Variants in ATP10B observed in about 807,000 individuals in gnomAD.
ATP10B encodes phospholipid-transporting ATPase VB.
A neutral mutation model predicts 141.2 loss-of-function variants in ATP10B; 122 were observed. That is an observed-to-expected ratio of 0.86 (90% confidence interval 0.75 to 1.00). The LOEUF is 1.00. ATP10B is among the 50% of genes least tolerant of loss of function. ATP10B has a pLI of 0.00. For synonymous variants in ATP10B, 685 were observed against 692.0 expected, an observed-to-expected ratio of 0.99 and a Z score of 0.16; for missense variants, 1,876 against 1,825.3, an observed-to-expected ratio of 1.03 and a Z score of -0.51.
chr5:160,681,100 G>A (rs955167817), intron 6 of ATP10B, among the ~76,000 whole-genome samples: 23 of 152,264 alleles, frequency 1.5e-4, no homozygotes, highest in Middle Eastern at 3.4e-3. Flanking sequence ...CACTTGTAAT[G>A]ACTTAAGCCA....
intron 1 of ATP10B, among the ~76,000 whole-genome samples, chr5:160,845,580 CAA>C (rs1216862466): frequency 6.6e-6 from 1 of 151,974 alleles, no homozygotes; most frequent in Admixed American, 6.6e-5. Flanking sequence ...CATAAATGAA[CAA>C]AAAGTTTTTT....
intron 3 of ATP10B, among the ~76,000 whole-genome samples, chr5:160,705,145 C>T (rs1561773074): frequency 6.6e-6 from 1 of 151,870 alleles, no homozygotes; most frequent in Non-Finnish European, 1.5e-5. Context: ...GTCTCGATCT[C>T]CTGACCTCGT....
At chr5:160,776,893 T>G (rs1770371549) in intron 2 of ATP10B, among the ~76,000 whole-genome samples, 1 of 152,162 alleles carries the variant, frequency 6.6e-6, no homozygotes, top group Non-Finnish European at 1.5e-5. Context: ...CAGAATGATT[T>G]TAGTCGGACA....
the ATP10B span, among the ~76,000 whole-genome samples, chr5:160,880,492 A>G: frequency 6.6e-6 from 1 of 152,110 alleles, no homozygotes; most frequent in East Asian, 1.9e-4. Context: ...CAGAATATGG[A>G]AGAACAAGGT....
chr5:160,728,097 TTAC>T (rs1268897347), intron 2 of ATP10B, among the ~76,000 whole-genome samples: 4 of 37,208 alleles, frequency 1.1e-4, no homozygotes, highest in Admixed American at 1.7e-4. Context: ...GATTCTTCCT[TTAC>T]TTTTTTTTTC....
intron 3 of ATP10B, among the ~76,000 whole-genome samples, chr5:160,704,693 G>A (rs1764873169): frequency 6.6e-6 from 1 of 151,008 alleles, no homozygotes; most frequent in Admixed American, 6.6e-5. Flanking sequence ...TCCAATATAA[G>A]GTTGTTTGTC....
intron 7 of ATP10B, among the ~76,000 whole-genome samples, chr5:160,661,461 A>T (rs1392791408): frequency 6.6e-6 from 1 of 152,230 alleles, no homozygotes; most frequent in Non-Finnish European, 1.5e-5. Flanking sequence ...ATATTTTAAA[A>T]ATCCTATCCT....
intron 2 of ATP10B, among the ~76,000 whole-genome samples, chr5:160,770,018 C>G (rs184828176): frequency 6.6e-6 from 1 of 152,296 alleles, no homozygotes; most frequent in East Asian, 1.9e-4. Context: ...AGGTAACTGT[C>G]TTTTAAAGCC....
chr5:160,874,196 G>A, the ATP10B span, among the ~76,000 whole-genome samples: 1 of 152,138 alleles, frequency 6.6e-6, no homozygotes, highest in Non-Finnish European at 1.5e-5. Context: ...CTGAGAACGG[G>A]CAGACTGCCT....
chr5:160,639,418 G>A (rs1034307337), intron 10 of ATP10B, among the ~76,000 whole-genome samples: 1 of 152,288 alleles, frequency 6.6e-6, no homozygotes, highest in Middle Eastern at 3.4e-3. Flanking sequence ...CGATTATGAA[G>A]GTGGGCCCAA....
At chr5:160,861,516 C>T in the ATP10B span, among the ~76,000 whole-genome samples, 1 of 151,736 alleles carries the variant, frequency 6.6e-6, no homozygotes, top group Non-Finnish European at 1.5e-5. Context: ...AAGGGGGTCA[C>T]AAAATAAGCT....
At chr5:160,820,868 G>A (rs886600390) in intron 1 of ATP10B, among the ~76,000 whole-genome samples, 1 of 151,938 alleles carries the variant, frequency 6.6e-6, no homozygotes, top group Non-Finnish European at 1.5e-5. Context: ...CCCTAAGAAA[G>A]CTGGGTATAG....
chr5:160,693,563 G>A (rs1764202808), intron 3 of ATP10B, among the ~76,000 whole-genome samples: 1 of 152,068 alleles, frequency 6.6e-6, no homozygotes, highest in Non-Finnish European at 1.5e-5. Context: ...AGTGCTCCAG[G>A]TAGAAGAACG....
rs185000861 is a variant in ATP10B at position 160,692,806 on chromosome 5, C to T, written c.-204-3863G>A. The T allele has an allele frequency of 1.6e-3, 249 of 152,276 alleles. 2 individuals are homozygous for T. Among genetic ancestry groups the T allele is most frequent in the African/African-American group, 5.6e-3 (232 of 41,548 alleles). The allele number at this position is 152,276 out of a possible 1,614,324, so 9.4% of individuals were successfully genotyped here. ...TTCTAAAACTCTTATAAACTTTAGC[C>T]CCAAACTCCTCACGGAGGTGGATTT... On this transcript the variant is annotated intron_variant, in intron 3 of 25. Transcript: ENST00000327245.
At chr5:160,777,127 C>T (rs1286136353) in intron 2 of ATP10B, among the ~76,000 whole-genome samples, 1 of 152,264 alleles carries the variant, frequency 6.6e-6, no homozygotes, top group East Asian at 1.9e-4. Context: ...GGAAAGACGA[C>T]CAGAGTAACA....
In ATP10B at chr5:160,774,204, A is replaced by G. The variant is rs371385077; in HGVS notation, c.-331+11355T>C. ...TGACATTGGTCTTCAGTTCTGCCCC[A>G]TAGGAAGAGCAACTGGAGGTCCCGG... On this transcript the variant is annotated intron_variant, in intron 2 of 25. Transcript: ENST00000327245. 4.1e-4 allele frequency among the ~76,000 whole-genome samples: 62 copies of G among 152,320 alleles called. 1 individual carries two copies. In the South Asian group the frequency reaches 9.1e-3, roughly 22 times the overall value.
chr5:160,830,454 A>G (rs189092185), intron 1 of ATP10B, among the ~76,000 whole-genome samples: 216 of 152,224 alleles, frequency 1.4e-3, no homozygotes, highest in Non-Finnish European at 2.0e-3. Flanking sequence ...GGCAAATTGT[A>G]ATAGTGACAC....
At chr5:160,807,523 C>T (rs1336849647) in intron 1 of ATP10B, among the ~76,000 whole-genome samples, 4 of 151,978 alleles carry the variant, frequency 2.6e-5, no homozygotes, top group Non-Finnish European at 5.9e-5. Flanking sequence ...TTTTTTTAAG[C>T]ACATGTGTAA....
intron 1 of ATP10B, among the ~76,000 whole-genome samples, chr5:160,832,495 A>G (rs1435612617): frequency 2.0e-5 from 3 of 152,162 alleles, no homozygotes; most frequent in African/African-American, 7.2e-5. Context: ...TTTAAAATTT[A>G]CACACATATG....
Sources: allele counts gnomAD v4.1 joint callset (sites outside exome capture counted in the v4.1 genomes callset), GRCh38; gene constraint gnomAD v4.1.1; transcripts MANE v1.5; gene names NCBI Gene and HGNC (gene_info 2026-07-23, HGNC 2026-07-21).